Variants in TMEM237 observed in about 807,000 individuals in gnomAD.
The protein encoded by TMEM237 is transmembrane protein 237.
A neutral mutation model predicts 59.1 loss-of-function variants in TMEM237; 51 were observed. That is an observed-to-expected ratio of 0.86 (90% CI 0.69 to 1.09). TMEM237 has a LOEUF of 1.09. Ranked by LOEUF, TMEM237 falls within the 50% of genes least tolerant of loss-of-function variation. The probability of loss-of-function intolerance (pLI) is 0.00; values close to 1 mark genes in which losing one functional copy is unlikely to be tolerated. For synonymous variants in TMEM237, 140 were observed against 166.1 expected (o/e 0.84, Z 1.21); for missense variants, 475 against 478.3 (o/e 0.99, Z 0.06).
At chr2:201,625,550 A>C (rs1957751321) in intron 12 of TMEM237, among the ~76,000 whole-genome samples, 1 of 152,186 alleles carries the variant, frequency 6.6e-6, no homozygotes, top group Non-Finnish European at 1.5e-5. Flanking sequence ...TGAGTGAATC[A>C]CTGCACACTG....
At chr2:201,624,343 A>C in intron 12 of TMEM237, 21 bp from the exon 13 acceptor site, 1 of 1,598,156 alleles carries the variant, frequency 6.3e-7, no homozygotes, top group Non-Finnish European at 8.6e-7. Flanking sequence ...AAATGAACAG[A>C]TCATACTTAA....
chr2:201,627,652 TAGAAC>T (rs1294522167), intron 10 of TMEM237, among the ~76,000 whole-genome samples: 1 of 152,162 alleles, frequency 6.6e-6, no homozygotes, highest in Non-Finnish European at 1.5e-5. Context: ...GACAAGAACC[TAGAAC>T]ATCTTTTTAA....
chr2:201,625,189 T>C (rs976221974), intron 12 of TMEM237, among the ~76,000 whole-genome samples: 2 of 152,046 alleles, frequency 1.3e-5, no homozygotes, highest in African/African-American at 2.4e-5. Context: ...GGTGAAACCC[T>C]GTCTCTATTA....
intron 6 of TMEM237, 60 bp from the exon 7 acceptor site, chr2:201,632,268 T>C (rs1454407310): frequency 6.4e-7 from 1 of 1,574,678 alleles, no homozygotes; most frequent in Non-Finnish European, 8.7e-7. Context: ...CAGACTTACA[T>C]AAGGAACTAG....
chr2:201,629,961 G>T, intron 7 of TMEM237, 109 bp from the exon 8 acceptor site: 1 of 1,390,156 alleles, frequency 7.2e-7, no homozygotes, highest in Non-Finnish European at 9.7e-7. Flanking sequence ...CTGAAATATT[G>T]CTGTTCTATC....
At chr2:201,627,527 AATTT>A in intron 10 of TMEM237, 113 bp from the exon 11 acceptor site, 1 of 666,510 alleles carries the variant, frequency 1.5e-6, no homozygotes, top group Admixed American at 3.0e-5. Context: ...ATATAAAAGA[AATTT>A]ATTTGACCAA....
chr2:201,629,642 T>C, intron 8 of TMEM237, 87 bp downstream of exon 8: 1 of 1,519,052 alleles, frequency 6.6e-7, no homozygotes, highest in Non-Finnish European at 8.8e-7. Context: ...TCATTAATAA[T>C]ACTGAACAAC....
intron 6 of TMEM237, 75 bp downstream of exon 6, chr2:201,633,236 G>A: frequency 6.9e-7 from 1 of 1,457,868 alleles, no homozygotes; most frequent in Non-Finnish European, 9.1e-7. Flanking sequence ...TTAATGAGAA[G>A]CTACTGCTTC....
chr2:201,626,534 GAAAAAAAAAA>G (rs751155005), intron 11 of TMEM237, among the ~76,000 whole-genome samples: 87 of 96,044 alleles, frequency 9.1e-4, no homozygotes, highest in Admixed American at 1.2e-3. Context: ...AGCATTTGGG[GAAAAAAAAAA>G]AAAAAAAAAA....
chr2:201,624,604 C>T (rs1957740858), intron 12 of TMEM237, among the ~76,000 whole-genome samples: 1 of 152,052 alleles, frequency 6.6e-6, no homozygotes, highest in South Asian at 2.1e-4. Flanking sequence ...AAATTTAAGT[C>T]ACTTAGAGAA....
In TMEM237 at chr2:201,636,738, C is replaced by T; in HGVS notation, c.274+10G>A. ...TGCTATCACAACTTAACCTTGGTTT[C>T]TTCACATACCAAGAGGTAGCCTTGT... On this transcript the variant is annotated intron_variant, in intron 5 of 12. Coordinates refer to ENST00000409883, the MANE Select transcript of TMEM237 (RefSeq NM_001044385.3). 1 of 1,563,970 alleles carries T rather than the reference C, an allele frequency of 6.4e-7. No individual in the cohort carries two copies. The highest frequency in any genetic ancestry group is 8.7e-7 in the Non-Finnish European group (1 of 1,153,798).
intron 9 of TMEM237, 30 bp from the exon 10 acceptor site, chr2:201,628,179 C>A: frequency 6.7e-7 from 1 of 1,498,002 alleles, no homozygotes; most frequent in East Asian, 2.3e-5. Context: ...CTTGTCACAG[C>A]GCAGTTGTAA....
chr2:201,639,786 ACT>A (rs1428959278), intron 3 of TMEM237, among the ~76,000 whole-genome samples: 1 of 151,954 alleles, frequency 6.6e-6, no homozygotes, highest in Non-Finnish European at 1.5e-5. Flanking sequence ...ACAGAGTGAG[ACT>A]CTGTCTCAAA....
Position 201,640,241 on chromosome 2 carries a change from T to C in TMEM237, c.79+20A>G, listed in dbSNP as rs745908076. ...TAATTTTTGAACACCAAATATTATA[T>C]TTACATTAAACTAACTCACCTTGAC... On this transcript the variant is annotated intron_variant, in intron 3 of 12. Transcript: ENST00000409883. The C allele has an allele frequency of 1.9e-5, 30 of 1,549,208 alleles. No individual in the cohort carries two copies. In the South Asian group the frequency reaches 3.6e-4, roughly 19 times the overall value.
chr2:201,628,239 T>G, intron 9 of TMEM237, 90 bp from the exon 10 acceptor site: 1 of 843,368 alleles, frequency 1.2e-6, no homozygotes, highest in Non-Finnish European at 1.9e-6. Context: ...TTCTCTAGTC[T>G]AATGCTAGCA....
At chr2:201,628,024 T>C (rs547333988) in intron 10 of TMEM237, 52 bp downstream of exon 10, 2 of 1,322,830 alleles carry the variant, frequency 1.5e-6, no homozygotes, top group South Asian at 2.9e-5. Context: ...TGGTTCAAAA[T>C]TATGGTATAA....
intron 6 of TMEM237, among the ~76,000 whole-genome samples, chr2:201,632,481 G>C (rs1957816441): frequency 6.6e-6 from 1 of 152,148 alleles, no homozygotes; most frequent in African/African-American, 2.4e-5. Flanking sequence ...TATAGATACT[G>C]ATAAGGTTTG....
intron 1 of TMEM237, 68 bp from the exon 2 acceptor site, chr2:201,640,992 C>T (rs12470287): frequency 5.6e-6 from 8 of 1,432,816 alleles, no homozygotes; most frequent in South Asian, 4.0e-5. Context: ...AATACCATCA[C>T]GCTATTTTTT....
rs973746508 is a variant in TMEM237 at position 201,635,552 on chromosome 2, A to G, written c.274+1196T>C. ...CGAGGTGGGCGGATCACCTGAGGTC[A>G]GGAGTTCAAGACAAGCCTGGCCAAC... On this transcript the variant is annotated intron_variant, in intron 5 of 12. Transcript: ENST00000409883. This position sits in a 1 kb window ranked among gnomAD's most constrained non-coding sequence, Gnocchi z 4.5. 1.3e-5 allele frequency among the ~76,000 whole-genome samples: 2 copies of G among 152,240 alleles called. No homozygotes were observed. Among genetic ancestry groups the G allele is most frequent in the Non-Finnish European group, 2.9e-5 (2 of 68,044 alleles).
Sources: gnomAD v4.1 joint callset for allele counts (sites outside exome capture counted in the v4.1 genomes callset) on GRCh38, gnomAD v4.1.1 for gene constraint, Gnocchi (gnomAD v3.1) non-coding constraint, MANE v1.5 for transcripts, NCBI Gene and HGNC (gene_info 2026-07-23, HGNC 2026-07-21) for gene names.